Variants in RAD52 observed in about 807,000 individuals in gnomAD.
The protein encoded by RAD52 is RAD52 DNA repair protein, also known as DNA repair protein RAD52 homolog.
A neutral mutation model predicts 55.5 loss-of-function variants in RAD52; 47 were observed. The observed-to-expected ratio is 0.85, with a 90% CI of 0.67 to 1.08. RAD52 has a LOEUF of 1.08. Ranked by LOEUF, RAD52 falls within the 50% of genes least tolerant of loss-of-function variation. RAD52 has a pLI of 0.00. For missense variants in RAD52, 468 were observed against 522.8 expected (o/e 0.90, Z 1.02); for synonymous variants, 184 against 198.9 (o/e 0.92, Z 0.63).
At chr12:917,760 A>G (rs1275839128) in intron 7 of RAD52, among the ~76,000 whole-genome samples, 1 of 103,694 alleles carries the variant, frequency 9.6e-6, no homozygotes, top group African/African-American at 3.4e-5. Flanking sequence ...GCCTGTCTCT[A>G]CTAAAAATAC....
In RAD52 at chr12:969,933, T is replaced by C. The variant is rs917276684; in HGVS notation, c.-19+19876A>G. ...ACTGGTGATAACTTAATTCAGGAAT[T>C]CTTGCTTCTGTTCTGTTGACAGACT... is the stretch of plus-strand genomic sequence containing the variant. On this transcript the variant is annotated intron_variant, in intron 1 of 11. Transcript: ENST00000430095. Among the ~76,000 whole-genome samples the C allele has an allele frequency of 2.2e-4, 33 of 152,140 alleles. 1 individual carries two copies. Among genetic ancestry groups the C allele is most frequent in the African/African-American group, 8.0e-4 (33 of 41,426 alleles).
chr12:990,752 T>C (rs1430360061), upstream of RAD52: 1 of 151,318 alleles, frequency 6.6e-6, no homozygotes, highest in Non-Finnish European at 1.5e-5. Flanking sequence ...CCGCGGCGCT[T>C]GGCTGCCCCG....
At chr12:952,265 A>T (rs1240680336), upstream of RAD52, among the ~76,000 whole-genome samples, 1 of 152,140 alleles carries the variant, frequency 6.6e-6, no homozygotes, top group African/African-American at 2.4e-5. Context: ...TGCCTGGCTA[A>T]TTAAAAAAAT....
chr12:926,765 C>T (rs780476518), intron 6 of RAD52: 48 of 1,520,530 alleles, frequency 3.2e-5, no homozygotes, highest in South Asian at 2.0e-4. Context: ...CGGACATCTG[C>T]GTGACTGTGT....
rs145354069 is a variant in RAD52 at position 961,862 on chromosome 12, C to T, written c.-19+27947G>A. Among the ~76,000 whole-genome samples, 99 of 151,636 alleles carry T rather than the reference C, an allele frequency of 6.5e-4. 1 individual carries two copies. The highest frequency in any genetic ancestry group is 2.3e-3 in the African/African-American group (96 of 41,300). On this transcript the variant is annotated intron_variant, in intron 1 of 11. Coordinates refer to the RAD52 transcript ENST00000430095. ...TGGATGACAGAGTGAGACCCTGTAT[C>T]TAAAAAAGAAAGAAAAAAGAGAGAG...
intron 1 of RAD52, among the ~76,000 whole-genome samples, chr12:983,667 G>C (rs1054332954): frequency 6.6e-6 from 1 of 152,132 alleles, no homozygotes; most frequent in Admixed American, 6.6e-5. Context: ...TGGTCCACCT[G>C]CCTTGGCCTC....
rs1956985477 is a variant in RAD52 at position 925,516 on chromosome 12, C to T, written c.477G>A (p.Gly159=). 1.2e-6 allele frequency: 2 copies of T among 1,613,090 alleles called. No individual in the cohort carries two copies. Among genetic ancestry groups the T allele is most frequent in the Non-Finnish European group, 1.7e-6 (2 of 1,179,160 alleles). ...DGLKRALRSF[G]NALGNCILDK... is the part of the protein sequence containing the mutation. ...CCAGAATACAGTTTCCAAGTGCATT[C>T]CCAAAACTCCTAAGGGCAAGAGAAA... Residue 159 remains glycine (G), a synonymous_variant, in exon 7 of 12, where the codon GGG becomes GGA. Coordinates refer to ENST00000358495, the MANE Select transcript of RAD52 (RefSeq NM_134424.4).
chr12:958,946 G>T (rs1219579484), intron 1 of RAD52, among the ~76,000 whole-genome samples: 1 of 152,078 alleles, frequency 6.6e-6, no homozygotes, highest in Non-Finnish European at 1.5e-5. Context: ...CGATCCTCAG[G>T]GGATAAAGTA....
intron 1 of RAD52, among the ~76,000 whole-genome samples, chr12:963,511 A>G (rs923848120): frequency 2.0e-5 from 3 of 152,220 alleles, no homozygotes; most frequent in Non-Finnish European, 4.4e-5. Context: ...TATCAAATTA[A>G]TGATTTTTAA....
At chr12:956,755 C>A (rs1958612954) in intron 1 of RAD52, among the ~76,000 whole-genome samples, 1 of 152,166 alleles carries the variant, frequency 6.6e-6, no homozygotes, top group African/African-American at 2.4e-5. Flanking sequence ...CCATGTTGGC[C>A]AGGCTGGTCT....
intron 1 of RAD52, among the ~76,000 whole-genome samples, chr12:948,761 G>A (rs959431172): frequency 4.6e-5 from 7 of 151,850 alleles, no homozygotes; most frequent in Non-Finnish European, 1.0e-4. Flanking sequence ...GTGCAGTGGT[G>A]CGATGTCGGC....
In RAD52 at chr12:913,293, A is replaced by G; in HGVS notation, c.*98T>C. ...GAATGAAGCAAGATAAATCGCAATG[A>G]CGTTCATTCTCCAGCAGCGATGAAC... On this transcript the variant is annotated 3_prime_UTR_variant, in exon 12 of 12. Transcript: ENST00000358495. The G allele has an allele frequency of 1.1e-6, 1 of 893,474 alleles. No homozygotes were observed. The highest frequency in any genetic ancestry group is 1.8e-6 in the Non-Finnish European group (1 of 557,390). 55.3% of individuals were successfully genotyped at this position (893,474 alleles called of 1,614,324 possible).
In RAD52 at chr12:927,124, G is replaced by A. The variant is rs104895070; in HGVS notation, c.467+21C>T. 6.9e-3 allele frequency: 11,014 copies of A among 1,602,982 alleles called. 57 individuals are homozygous for A. Among genetic ancestry groups the A allele is most frequent in the Non-Finnish European group, 8.6e-3 (10,118 of 1,170,312 alleles). On this transcript the variant is annotated intron_variant, in intron 6 of 11. Coordinates refer to ENST00000358495, the MANE Select transcript of RAD52 (RefSeq NM_134424.4). ...GCAAGAGCTGAAATGACGCAGGTTAGACTCCCAGCCCCGCGCTCACCTGAG... is the reference window on the plus strand; with the variant it reads ...GCAAGAGCTGAAATGACGCAGGTTAAACTCCCAGCCCCGCGCTCACCTGAG...
chr12:927,065 A>G, intron 6 of RAD52, 80 bp downstream of exon 6: 1 of 1,525,206 alleles, frequency 6.6e-7, no homozygotes, highest in South Asian at 1.1e-5. Context: ...TGGATGTGTT[A>G]CCTCTTCCAA....
chr12:926,858 T>G (rs1251810527), intron 6 of RAD52: 3 of 1,536,516 alleles, frequency 2.0e-6, no homozygotes, highest in African/African-American at 2.7e-5. Flanking sequence ...GCACTCGCAG[T>G]AGGAGTGGGA....
intron 1 of RAD52, among the ~76,000 whole-genome samples, chr12:957,779 G>A (rs1208113529): frequency 6.6e-6 from 1 of 152,142 alleles, no homozygotes; most frequent in Non-Finnish European, 1.5e-5. Flanking sequence ...AATAGAGTGA[G>A]GCCCTATCTC....
chr12:937,922 C>T (rs1019448899), intron 1 of RAD52, among the ~76,000 whole-genome samples: 2 of 152,196 alleles, frequency 1.3e-5, no homozygotes, highest in African/African-American at 4.8e-5. Flanking sequence ...TGTTGAAATA[C>T]GCTAAATTTC....
intron 1 of RAD52, chr12:975,050 GTA>G (rs1958917558): frequency 6.6e-6 from 1 of 152,112 alleles, no homozygotes. Flanking sequence ...TCTTATTATA[GTA>G]TATTGTTACA....
chr12:925,733 C>A (rs1956997174), intron 6 of RAD52, among the ~76,000 whole-genome samples: 2 of 152,146 alleles, frequency 1.3e-5, no homozygotes, highest in South Asian at 4.1e-4. Context: ...GAGGACAAGA[C>A]ACAAGTCCCT....
Sources: gnomAD v4.1 joint callset for allele counts (sites outside exome capture counted in the v4.1 genomes callset) on GRCh38, gnomAD v4.1.1 for gene constraint, MANE v1.5 for transcripts, NCBI Gene and HGNC (gene_info 2026-07-23, HGNC 2026-07-21) for gene names.